Variants in ATXN7 observed in about 807,000 individuals in gnomAD.
ATXN7 encodes the protein ataxin 7, also known as ataxin-7.
ATXN7 carries 12 observed loss-of-function variants against 70.5 expected under a neutral mutation model. That is an observed-to-expected ratio of 0.17 (90% CI 0.11 to 0.28). The LOEUF is 0.28. ATXN7 is among the 10% of genes least tolerant of loss of function. The pLI, the probability that ATXN7 is intolerant of heterozygous loss-of-function variation, is 1.00. For synonymous variants in ATXN7, 498 were observed against 448.7 expected (o/e 1.11, Z -1.39); for missense variants, 1,256 against 1,131.7 (o/e 1.11, Z -1.58).
intron 1 of ATXN7, among the ~76,000 whole-genome samples, chr3:63,866,457 T>G (rs1702433250): frequency 6.6e-6 from 1 of 152,240 alleles, no homozygotes; most frequent in South Asian, 2.1e-4. Flanking sequence ...GATCTCACTA[T>G]GTTGCCCAGG....
At chr3:63,895,070 C>T (rs764284548) in intron 1 of ATXN7, among the ~76,000 whole-genome samples, 5 of 152,136 alleles carry the variant, frequency 3.3e-5, no homozygotes, top group African/African-American at 1.2e-4. Flanking sequence ...ATGCCCTCTC[C>T]AAGAACCTAG....
intron 8 of ATXN7, among the ~76,000 whole-genome samples, chr3:63,987,420 A>G (rs768982027): frequency 2.6e-5 from 4 of 152,080 alleles, no homozygotes; most frequent in Non-Finnish European, 5.9e-5. Context: ...ATCTATAGGG[A>G]TTACTTTGTC....
chr3:63,939,805 C>A (rs2074724246), intron 4 of ATXN7, among the ~76,000 whole-genome samples: 1 of 152,128 alleles, frequency 6.6e-6, no homozygotes, highest in South Asian at 2.1e-4. Flanking sequence ...AGTCTAGCAG[C>A]CACTGGAGGG....
rs979895818 is a variant in ATXN7, at chr3:64,002,195, G to A, written c.*2728G>A. The A allele has an allele frequency of 3.3e-5, 5 of 152,078 alleles. No homozygotes were observed. Among genetic ancestry groups the A allele is most frequent in the African/African-American group, 9.7e-5 (4 of 41,236 alleles). 9.4% of individuals were successfully genotyped at this position (152,078 alleles called of 1,614,324 possible). The stretch of plus-strand genomic sequence containing the variant: ...CACAGGTCTTTTTTTCTGATATCCT[G>A]TTTTGGTACAATTGAGATCATCTAG... On this transcript the variant is annotated 3_prime_UTR_variant, in exon 13 of 13. Transcript: ENST00000674280.
intron 10 of ATXN7, 80 bp downstream of exon 10, chr3:63,990,454 T>A (rs934617777): frequency 9.8e-6 from 15 of 1,532,910 alleles, no homozygotes; most frequent in Admixed American, 1.7e-5. Context: ...GCCAGGGATC[T>A]TGGCATGCCC....
At chr3:63,887,460 T>C (rs1011908091) in intron 1 of ATXN7, among the ~76,000 whole-genome samples, 2 of 152,248 alleles carry the variant, frequency 1.3e-5, no homozygotes, top group African/African-American at 2.4e-5. Flanking sequence ...TAATATATTT[T>C]GGAAATTACG....
At chr3:63,878,173 A>T (rs1001022141) in intron 1 of ATXN7, among the ~76,000 whole-genome samples, 34 of 152,194 alleles carry the variant, frequency 2.2e-4, no homozygotes, top group African/African-American at 7.2e-4. Context: ...AACTAGTAAA[A>T]GTGAAGTGAC....
chr3:63,964,745 A>G (rs1355323319), intron 5 of ATXN7, among the ~76,000 whole-genome samples: 1 of 152,220 alleles, frequency 6.6e-6, no homozygotes, highest in Non-Finnish European at 1.5e-5. Flanking sequence ...CAACATTTCT[A>G]GGTGAAGCTA....
rs761556517 is a variant in ATXN7, at chr3:63,979,980, T to A, written c.565T>A (p.Phe189Ile). 18 of 1,614,114 alleles carry A rather than the reference T, an allele frequency of 1.1e-5. No homozygotes were observed. The highest frequency in any genetic ancestry group is 1.5e-5 in the Non-Finnish European group (18 of 1,180,046). Residue 189 changes from phenylalanine to isoleucine, a missense_variant, in exon 6 of 13, where the codon TTC becomes ATC. Phe to Ile is a conservative substitution (Grantham distance 21). Coordinates refer to ENST00000674280, the MANE Select transcript of ATXN7 (RefSeq NM_001377405.1). ...AVPPTSVFSF[F>I]PSLSKSKGGS... ...TCCTCCCACTTCAGTATTTTCCTTC[T>A]TCCCTTCTCTGTCCAAAAGCAAAGG... is the stretch of plus-strand genomic sequence containing the variant.
chr3:63,868,565 A>G (rs759475508), intron 1 of ATXN7, among the ~76,000 whole-genome samples: 3 of 152,186 alleles, frequency 2.0e-5, no homozygotes, highest in African/African-American at 4.8e-5. Context: ...TAAGAAAAAG[A>G]TTTTCAAAAA....
At chr3:63,986,115 G>T (rs887571613) in intron 8 of ATXN7, among the ~76,000 whole-genome samples, 1 of 152,190 alleles carries the variant, frequency 6.6e-6, no homozygotes, top group African/African-American at 2.4e-5. Flanking sequence ...GGTAGGAGAG[G>T]TGGAGGAAAC....
Position 63,912,817 on chromosome 3 carries a change from C to T in ATXN7, c.219C>T (p.Ala73=). Residue 73 remains alanine (A), a synonymous_variant, in exon 3 of 13, where the codon GCC becomes GCT. Transcript: ENST00000674280. ...CCGGCGCCGCCTCCACCTCGGCCGC[C>T]GCAATGGCGACGGTCGGGGAGCGCA... ...GGPGAASTSA[A]AMATVGERRP... is the part of the protein sequence containing the mutation. 5 of 1,575,374 alleles carry T rather than the reference C, an allele frequency of 3.2e-6. No homozygotes were observed. Among genetic ancestry groups the T allele is most frequent in the East Asian group, 2.5e-5 (1 of 39,220 alleles).
intron 4 of ATXN7, among the ~76,000 whole-genome samples, chr3:63,939,669 G>A (rs1007095445): frequency 6.6e-6 from 1 of 152,142 alleles, no homozygotes; most frequent in African/African-American, 2.4e-5. Flanking sequence ...AAGAAAAATG[G>A]CTGAATCTGT....
chr3:63,897,932 T>C (rs181914410), intron 1 of ATXN7, among the ~76,000 whole-genome samples: 1 of 152,330 alleles, frequency 6.6e-6, no homozygotes, highest in Non-Finnish European at 1.5e-5. Flanking sequence ...TTAATTGAAT[T>C]GTTACCTGTT....
At chr3:63,997,703 A>C (rs1171552143) in intron 12 of ATXN7, 2 of 1,551,174 alleles carry the variant, frequency 1.3e-6, no homozygotes, top group South Asian at 1.2e-5. Context: ...GCTCTTTTTC[A>C]TGATTTTTTT....
At chr3:63,919,067 C>T (rs188379548) in intron 4 of ATXN7, among the ~76,000 whole-genome samples, 1 of 152,268 alleles carries the variant, frequency 6.6e-6, no homozygotes. Flanking sequence ...GGACTTTTCC[C>T]CAGTTGCAGC....
chr3:63,895,739 C>T (rs1703421789), intron 1 of ATXN7, among the ~76,000 whole-genome samples: 1 of 151,924 alleles, frequency 6.6e-6, no homozygotes, highest in Non-Finnish European at 1.5e-5. Flanking sequence ...CTCCTTTTCT[C>T]TCTCTCTCTC....
At chr3:63,967,796 T>C in intron 5 of ATXN7, 1 of 1,496,878 alleles carries the variant, frequency 6.7e-7, no homozygotes, top group African/African-American at 1.4e-5. Flanking sequence ...TTTACAGTAG[T>C]AGCAAATGTT....
intron 4 of ATXN7, among the ~76,000 whole-genome samples, chr3:63,916,851 AGTT>A (rs2107308556): frequency 6.6e-6 from 1 of 152,272 alleles, no homozygotes; most frequent in African/African-American, 2.4e-5. Flanking sequence ...TTGCAATATT[AGTT>A]GTTAGCATGA....
Sources: allele counts gnomAD v4.1 joint callset (sites outside exome capture counted in the v4.1 genomes callset), GRCh38; gene constraint gnomAD v4.1.1; transcripts MANE v1.5; gene names NCBI Gene and HGNC (gene_info 2026-07-23, HGNC 2026-07-21).